The following MAP2K6 variants were observed in gnomAD, a reference collection of about 807,000 sequenced individuals.
MAP2K6 encodes the protein mitogen-activated protein kinase kinase 6, also known as dual specificity mitogen-activated protein kinase kinase 6.
MAP2K6 carries 16 observed loss-of-function variants against 53.7 expected under a neutral mutation model. The observed-to-expected ratio is 0.30, with a 90% CI of 0.20 to 0.45. MAP2K6 has a LOEUF of 0.45. Among genes scored for constraint, MAP2K6 ranks in the 20% least tolerant of loss-of-function variants. The pLI, the probability that MAP2K6 is intolerant of heterozygous loss-of-function variation, is 1.00. For synonymous variants in MAP2K6, 132 were observed against 143.1 expected (o/e 0.92, Z 0.55); for missense variants, 204 against 411.9 (o/e 0.50, Z 4.37).
At chr17:69,530,233 T>G (rs547023914) in intron 10 of MAP2K6, among the ~76,000 whole-genome samples, 1 of 152,210 alleles carries the variant, frequency 6.6e-6, no homozygotes, top group East Asian at 1.9e-4. Flanking sequence ...GAGGATCGCT[T>G]GAGCTTGGAA....
At chr17:69,418,083 C>T (rs1905960787) in intron 1 of MAP2K6, among the ~76,000 whole-genome samples, 1 of 152,122 alleles carries the variant, frequency 6.6e-6, no homozygotes, top group African/African-American at 2.4e-5. Flanking sequence ...ATTTCTTGTT[C>T]TCTATAAATT....
At chr17:69,507,894 T>A (rs1909596030) in intron 2 of MAP2K6, among the ~76,000 whole-genome samples, 2 of 152,174 alleles carry the variant, frequency 1.3e-5, no homozygotes, top group African/African-American at 4.8e-5. Context: ...TTGAAAGAAC[T>A]GCTGAACTAT....
At chr17:69,533,063 G>A (rs1911167269) in intron 10 of MAP2K6, among the ~76,000 whole-genome samples, 1 of 152,006 alleles carries the variant, frequency 6.6e-6, no homozygotes, top group African/African-American at 2.4e-5. Flanking sequence ...CTAGTAACTG[G>A]GATTACAGGC....
chr17:69,453,745 G>C (rs934769347), intron 1 of MAP2K6, among the ~76,000 whole-genome samples: 13 of 152,118 alleles, frequency 8.5e-5, no homozygotes, highest in Admixed American at 7.9e-4. Flanking sequence ...ATAGTTCTTA[G>C]TTACATTTTC....
chr17:69,484,055 C>T (rs1369523240), intron 1 of MAP2K6, among the ~76,000 whole-genome samples: 1 of 151,980 alleles, frequency 6.6e-6, no homozygotes, highest in Non-Finnish European at 1.5e-5. Context: ...GATATAATAG[C>T]AAAACCGTAA....
chr17:69,478,489 G>C (rs544408208), intron 1 of MAP2K6, among the ~76,000 whole-genome samples: 1 of 152,322 alleles, frequency 6.6e-6, no homozygotes, highest in East Asian at 1.9e-4. Context: ...CTGGGGTGCA[G>C]TGGCTCAATC....
In MAP2K6 at chr17:69,553,341, A is replaced by C. The variant is rs185546449; in HGVS notation, c.*11588A>C. The C allele has an allele frequency of 2.0e-5, 3 of 152,214 alleles. No homozygotes were observed. The highest frequency in any genetic ancestry group is 4.4e-5 in the Non-Finnish European group (3 of 68,046). The allele number at this position is 152,214 out of a possible 1,614,324, so 9.4% of individuals were successfully genotyped here. A position where few individuals can be genotyped will look rare whatever the true frequency, so the allele number is the denominator to read the frequency against. ...TGATGTGCCATGAAATATTTCTGTG[A>C]ATCTGTGTTTTTGACCAAGGAAACA... On this transcript the variant is annotated 3_prime_UTR_variant, in exon 12 of 12. Transcript: ENST00000590474.
At chr17:69,474,172 A>G (rs1908064313) in intron 1 of MAP2K6, among the ~76,000 whole-genome samples, 1 of 152,178 alleles carries the variant, frequency 6.6e-6, no homozygotes, top group Non-Finnish European at 1.5e-5. Context: ...TATTTATGGT[A>G]TGCTATTTCA....
intron 10 of MAP2K6, among the ~76,000 whole-genome samples, chr17:69,533,530 G>C (rs1196250971): frequency 6.6e-6 from 1 of 152,198 alleles, no homozygotes; most frequent in Non-Finnish European, 1.5e-5. Flanking sequence ...TCCTCAGTGA[G>C]AGTGTTCCAG....
chr17:69,438,998 C>T (rs1454001208), intron 1 of MAP2K6, among the ~76,000 whole-genome samples: 1 of 152,208 alleles, frequency 6.6e-6, no homozygotes, highest in Non-Finnish European at 1.5e-5. Flanking sequence ...CACAGCCCTA[C>T]TTGCATAGCT....
At chr17:69,472,428 G>A (rs1027099123) in intron 1 of MAP2K6, among the ~76,000 whole-genome samples, 4 of 152,114 alleles carry the variant, frequency 2.6e-5, no homozygotes, top group African/African-American at 7.2e-5. Context: ...CCCAACCAGG[G>A]CCGCTGTCAG....
chr17:69,450,631 GA>G (rs1416561101), intron 1 of MAP2K6, among the ~76,000 whole-genome samples: 1 of 152,090 alleles, frequency 6.6e-6, no homozygotes, highest in Non-Finnish European at 1.5e-5. Context: ...TGGGGCAACG[GA>G]ATGTCTTTTC....
At chr17:69,502,674 A>C in intron 1 of MAP2K6, 2 of 985,532 alleles carry the variant, frequency 2.0e-6, no homozygotes, top group Non-Finnish European at 2.4e-6. Flanking sequence ...ACTAGGAGGC[A>C]GTAAATTCAG....
At position 69,551,285 on chromosome 17, in the gene MAP2K6, C is replaced by T. The variant is rs970514536; in HGVS notation, c.*9532C>T. 1.2e-4 allele frequency: 18 copies of T among 152,200 alleles called. No homozygotes were observed. The highest frequency in any genetic ancestry group is 4.1e-4 in the African/African-American group (17 of 41,442). The allele number at this position is 152,200 out of a possible 1,614,324, so 9.4% of individuals were successfully genotyped here. A position where few individuals can be genotyped will look rare whatever the true frequency, so the allele number is the denominator to read the frequency against. The stretch of plus-strand genomic sequence containing the variant: ...TCTGAGACTCAAGCTAACAGAGCTA[C>T]CCCTTGCTGCCTTTTGCAAAGGTGT... On this transcript the variant is annotated 3_prime_UTR_variant, in exon 12 of 12. Coordinates refer to ENST00000590474, the MANE Select transcript of MAP2K6 (RefSeq NM_002758.4).
At chr17:69,517,755 T>C (rs1317794763) in intron 4 of MAP2K6, 142 bp downstream of exon 4, 4 of 470,012 alleles carry the variant, frequency 8.5e-6, no homozygotes, top group Non-Finnish European at 7.2e-6. Context: ...GAACAGTATT[T>C]TCCTCCAAAG....
At chr17:69,467,446 G>A (rs1026884163) in intron 1 of MAP2K6, among the ~76,000 whole-genome samples, 1 of 152,190 alleles carries the variant, frequency 6.6e-6, no homozygotes, top group East Asian at 1.9e-4. Flanking sequence ...AATCAGGAGG[G>A]GGAAAGTGGG....
intron 1 of MAP2K6, among the ~76,000 whole-genome samples, chr17:69,416,466 G>A (rs111552069): frequency 0.012 from 1,865 of 152,274 alleles, 25 homozygotes; most frequent in African/African-American, 0.039. Flanking sequence ...GGCAGTCCAT[G>A]CTTTGATGTA....
chr17:69,448,318 C>T (rs1277991902), intron 1 of MAP2K6, among the ~76,000 whole-genome samples: 1 of 150,494 alleles, frequency 6.6e-6, no homozygotes, highest in East Asian at 1.9e-4. Context: ...TTTCACTGGA[C>T]TCTTTCTAAA....
intron 1 of MAP2K6, among the ~76,000 whole-genome samples, chr17:69,436,743 C>T (rs1196257068): frequency 6.6e-6 from 1 of 152,136 alleles, no homozygotes; most frequent in African/African-American, 2.4e-5. Context: ...GGATTAGGGA[C>T]ACTGACCCCC....
Sources: gnomAD v4.1 joint callset for allele counts (sites outside exome capture counted in the v4.1 genomes callset) on GRCh38, gnomAD v4.1.1 for gene constraint, MANE v1.5 for transcripts, NCBI Gene and HGNC (gene_info 2026-07-23, HGNC 2026-07-21) for gene names.